Variants in KIAA1755 observed in about 807,000 individuals in gnomAD.
KIAA1755 encodes the protein uncharacterized protein KIAA1755.
A neutral mutation model predicts 91.7 loss-of-function variants in KIAA1755; 68 were observed. The observed-to-expected ratio is 0.74, with a 90% CI of 0.61 to 0.91. KIAA1755 has a LOEUF of 0.91. Among genes scored for constraint, KIAA1755 ranks in the 40% least tolerant of loss-of-function variants. The probability of loss-of-function intolerance (pLI) is 0.00; values close to 1 mark genes in which losing one functional copy is unlikely to be tolerated. For missense variants in KIAA1755, 1,535 were observed against 1,494.4 expected (o/e 1.03, Z -0.45); for synonymous variants, 610 against 604.6 (o/e 1.01, Z -0.13).
chr20:38,228,294 C>T, intron 5 of KIAA1755, 54 bp from the exon 6 acceptor site: 9 of 1,406,698 alleles, frequency 6.4e-6, no homozygotes, highest in Non-Finnish European at 8.6e-6. Context: ...GGACAGGGGG[C>T]AGGACCTAGT....
intron 8 of KIAA1755, among the ~76,000 whole-genome samples, chr20:38,224,852 G>A (rs2075727172): frequency 6.6e-6 from 1 of 152,170 alleles, no homozygotes; most frequent in Admixed American, 6.5e-5. Flanking sequence ...GGGTTGTGGG[G>A]AGGAGGGACT....
chr20:38,218,242 AC>A lies in KIAA1755; in HGVS notation c.2679+1del, dbSNP rs750338676. 1 of 1,614,162 alleles carries A rather than the reference AC, an allele frequency of 6.2e-7. No individual in the cohort carries two copies. Among genetic ancestry groups the A allele is most frequent in the South Asian group, 1.1e-5 (1 of 91,080 alleles). On this transcript the variant is annotated splice_donor_variant, in intron 12 of 13. Coordinates refer to ENST00000279024, the MANE Select transcript of KIAA1755 (RefSeq NM_001029864.2). LOFTEE classifies it high-confidence loss of function. ...CCTGCTCCTCTGTTGTCTGGAACGC[AC>A]TGCAGCCTGGAGGAAGAAGTTCTCA...
At position 38,226,711 on chromosome 20, in the gene KIAA1755, T is replaced by C. The variant is rs552338255; in HGVS notation, c.2052+443A>G. 6.6e-5 allele frequency among the ~76,000 whole-genome samples: 10 copies of C among 152,278 alleles called. No individual in the cohort carries two copies. The South Asian group carries it at 2.1e-3, about 32-fold the overall frequency. The stretch of plus-strand genomic sequence containing the variant: ...CGCTTCAGCTCCACATCTGTATTAA[T>C]TAGGGCGAGAAATACAGGAAGAGCA... On this transcript the variant is annotated intron_variant, in intron 7 of 13. Transcript: ENST00000279024.
intron 13 of KIAA1755, chr20:38,216,769 A>G: frequency 4.4e-6 from 2 of 456,840 alleles, no homozygotes; most frequent in Non-Finnish European, 8.8e-6. Context: ...GAATGAAGTC[A>G]AGTAAGGTGT....
At position 38,245,957 on chromosome 20, in the gene KIAA1755, AGGCGCTTGG is replaced by A. The variant is rs2076151335; in HGVS notation, c.164_172del (p.Ala55_Leu58delinsVal). On this transcript the variant is annotated inframe_deletion, in exon 2 of 14. Coordinates refer to ENST00000279024, the MANE Select transcript of KIAA1755 (RefSeq NM_001029864.2). ...GGCTGCTTCTCGCACTTGCTCACAC[AGGCGCTTGG>A]CAGGGATCAGGAAATCCAGAAGGAA... 3 of 1,614,010 alleles carry A rather than the reference AGGCGCTTGG, an allele frequency of 1.9e-6. No individual in the cohort carries two copies. The African/African-American group carries it at 4.0e-5, about 22-fold the overall frequency.
At position 38,241,331 on chromosome 20, in the gene KIAA1755, A is replaced by G. The variant is rs1344835956; in HGVS notation, c.800T>C (p.Val267Ala). 1.2e-6 allele frequency: 2 copies of G among 1,613,976 alleles called. No individual in the cohort carries two copies. Among genetic ancestry groups the G allele is most frequent in the Non-Finnish European group, 1.7e-6 (2 of 1,180,024 alleles). Residue 267 changes from valine to alanine, a missense_variant, in exon 3 of 14, where the codon GTC becomes GCC. By Grantham distance (64) the Val-to-Ala change is moderately conservative. Coordinates refer to ENST00000279024, the MANE Select transcript of KIAA1755 (RefSeq NM_001029864.2). Reference protein sequence around the residue: ...GEVAFRMDEVVSQDFEGDYVA... With the variant: ...GEVAFRMDEVASQDFEGDYVA... ...ATAGTCTCCCTCGAAGTCCTGGCTG[A>G]CCACCTCGTCCATCCTGAAAGCCAC...
intron 4 of KIAA1755, among the ~76,000 whole-genome samples, chr20:38,231,646 G>A (rs984044311): frequency 6.6e-6 from 1 of 152,190 alleles, no homozygotes; most frequent in Non-Finnish European, 1.5e-5. Flanking sequence ...GACTCACTGT[G>A]TGTCTGTGGG....
intron 1 of KIAA1755, among the ~76,000 whole-genome samples, chr20:38,252,343 T>C (rs902118792): frequency 1.3e-5 from 2 of 152,214 alleles, no homozygotes; most frequent in African/African-American, 2.4e-5. Context: ...TGTCCACTAC[T>C]GTCACCCCAA....
intron 13 of KIAA1755, among the ~76,000 whole-genome samples, chr20:38,214,450 C>G (rs138823124): frequency 3.3e-5 from 5 of 152,208 alleles, no homozygotes; most frequent in African/African-American, 1.2e-4. Flanking sequence ...GAGCACTGAC[C>G]GTTTGCCAGG....
chr20:38,242,050 T>C (rs2076078888), intron 2 of KIAA1755, 121 bp from the exon 3 acceptor site: 1 of 958,926 alleles, frequency 1.0e-6, no homozygotes, highest in Non-Finnish European at 1.5e-6. Context: ...TGAGGCAGCA[T>C]TTAGGAGGCA....
At chr20:38,216,052 C>A (rs541016539) in intron 13 of KIAA1755, among the ~76,000 whole-genome samples, 1 of 152,056 alleles carries the variant, frequency 6.6e-6, no homozygotes, top group Admixed American at 6.6e-5. Flanking sequence ...CTCATAGGAT[C>A]GGGGCGACAA....
chr20:38,229,306 T>G (rs2075820011), intron 5 of KIAA1755, among the ~76,000 whole-genome samples: 4 of 152,234 alleles, frequency 2.6e-5, no homozygotes, highest in Admixed American at 6.5e-5. Flanking sequence ...ATGAATTCAT[T>G]CTTGTAAAGC....
At chr20:38,227,323 G>T in intron 6 of KIAA1755, 83 bp from the exon 7 acceptor site, 1 of 1,025,032 alleles carries the variant, frequency 9.8e-7, no homozygotes, top group Non-Finnish European at 1.5e-6. Flanking sequence ...TTCATCCCCT[G>T]TAAGATGCAG....
chr20:38,259,602 A>G (rs1449253119), intron 1 of KIAA1755, among the ~76,000 whole-genome samples: 1 of 149,290 alleles, frequency 6.7e-6, no homozygotes, highest in Non-Finnish European at 1.5e-5. Flanking sequence ...ATTTGCTGTG[A>G]GTGAAAACCC....
chr20:38,213,481 C>T lies in KIAA1755; in HGVS notation c.3164G>A (p.Ser1055Asn), dbSNP rs1287387594. ...AGCAGCTGGAGCCTCTGGGCAAGAG[C>T]TGTGGGTCAGTGCCTTCTCCAGGAG... ...RMLLEKALTH[S>N]SCPEAPAAHS... The change falls in exon 14 of 14, where the codon AGC (serine) becomes AAC (asparagine). Residue 1055 changes from serine (S) to asparagine (N), a missense_variant. Coordinates refer to ENST00000279024, the MANE Select transcript of KIAA1755 (RefSeq NM_001029864.2). The T allele has an allele frequency of 6.2e-7, 1 of 1,607,080 alleles. No homozygotes were observed. Among genetic ancestry groups the T allele is most frequent in the Non-Finnish European group, 8.5e-7 (1 of 1,176,986 alleles).
rs201903255 is a variant in KIAA1755 at position 38,241,326 on chromosome 20, G to A, written c.805C>T (p.Gln269Ter). Residue 269 changes from glutamine to a stop codon, truncating the protein, a stop_gained, in exon 3 of 14, where the codon CAG (glutamine) becomes TAG (stop). Transcript: ENST00000279024. LOFTEE classifies it high-confidence loss of function. ...VAFRMDEVVS[Q>*]DFEGDYVALL... ...GCCACATAGTCTCCCTCGAAGTCCTGGCTGACCACCTCGTCCATCCTGAAA... is the reference window on the plus strand; with the variant it reads ...GCCACATAGTCTCCCTCGAAGTCCTAGCTGACCACCTCGTCCATCCTGAAA... The A allele has an allele frequency of 5.6e-6, 9 of 1,614,018 alleles. No individual in the cohort carries two copies. In the African/African-American group the frequency reaches 6.7e-5, roughly 12 times the overall value.
intron 1 of KIAA1755, among the ~76,000 whole-genome samples, chr20:38,249,627 C>T (rs944249140): frequency 2.0e-5 from 3 of 151,106 alleles, no homozygotes; most frequent in Admixed American, 1.3e-4. Flanking sequence ...GTGATGGAAA[C>T]AGGGTCCGGG....
chr20:38,227,043 C>T lies in KIAA1755; in HGVS notation c.2052+111G>A, dbSNP rs76720849. On this transcript the variant is annotated intron_variant, in intron 7 of 13. Coordinates refer to ENST00000279024, the MANE Select transcript of KIAA1755 (RefSeq NM_001029864.2). ...TATTTATTGCCTTACACTAGATTACCTCCAGGCCTCTTCTAGCTCATGAAT... is the reference window on the plus strand; with the variant it reads ...TATTTATTGCCTTACACTAGATTACTTCCAGGCCTCTTCTAGCTCATGAAT... 2.0e-3 allele frequency: 1,434 copies of T among 720,492 alleles called. 2 individuals are homozygous for T. The highest frequency in any genetic ancestry group is 3.0e-3 in the Non-Finnish European group (1,261 of 426,192). The allele number at this position is 720,492 out of a possible 1,614,324, so 44.6% of individuals were successfully genotyped here.
chr20:38,257,900 C>CT (rs538588264), intron 1 of KIAA1755, among the ~76,000 whole-genome samples: 12,988 of 142,122 alleles, frequency 0.091, 781 homozygotes, highest in African/African-American at 0.17. Context: ...TTTATAGTTA[C>CT]TTTTTTTTTT....
Sources: gnomAD v4.1 joint callset for allele counts (sites outside exome capture counted in the v4.1 genomes callset) on GRCh38, gnomAD v4.1.1 for gene constraint, MANE v1.5 for transcripts, NCBI Gene and HGNC (gene_info 2026-07-23, HGNC 2026-07-21) for gene names.